Variants in N4BP2L1 observed in about 807,000 individuals in gnomAD.
N4BP2L1 encodes NEDD4-binding protein 2-like 1.
N4BP2L1 carries 12 observed loss-of-function variants against 21.2 expected under a neutral mutation model. The ratio of observed to expected loss-of-function variants is 0.57; its 90% CI spans 0.36 to 0.92. The LOEUF (loss-of-function observed/expected upper bound fraction) is 0.92. N4BP2L1 is among the 40% of genes least tolerant of loss of function. N4BP2L1 has a pLI of 0.01. For missense variants in N4BP2L1, 259 were observed against 310.6 expected, an observed-to-expected ratio of 0.83 and a Z score of 1.25; for synonymous variants, 104 against 112.8, an observed-to-expected ratio of 0.92 and a Z score of 0.49.
chr13:32,415,667 A>G (rs559424112), intron 1 of N4BP2L1, among the ~76,000 whole-genome samples: 2 of 152,202 alleles, frequency 1.3e-5, no homozygotes, highest in African/African-American at 4.8e-5. Flanking sequence ...TAGACTCCTA[A>G]TCAGGAGTTT....
chr13:32,414,480 T>C (rs79840730), intron 1 of N4BP2L1, among the ~76,000 whole-genome samples: 1,870 of 152,308 alleles, frequency 0.012, 47 homozygotes, highest in African/African-American at 0.043. Flanking sequence ...TTATCTTTCT[T>C]ATTGAATGTC....
chr13:32,422,195 C>CAA (rs11415560), intron 1 of N4BP2L1, among the ~76,000 whole-genome samples: 1 of 151,970 alleles, frequency 6.6e-6, no homozygotes, highest in African/African-American at 2.4e-5. Flanking sequence ...ATATTGACAA[C>CAA]AAAAAATGTA....
intron 1 of N4BP2L1, among the ~76,000 whole-genome samples, chr13:32,423,940 A>G (rs937914875): frequency 6.6e-6 from 1 of 152,184 alleles, no homozygotes; most frequent in African/African-American, 2.4e-5. Context: ...AATGGTCAAA[A>G]CCGGAAGGCA....
At chr13:32,410,318 C>G (rs1440899079) in intron 1 of N4BP2L1, among the ~76,000 whole-genome samples, 1 of 152,190 alleles carries the variant, frequency 6.6e-6, no homozygotes, top group African/African-American at 2.4e-5. Context: ...CTTCACAGAC[C>G]GCGGTATTTA....
Position 32,404,323 on chromosome 13 carries a change from T to G in N4BP2L1, c.471A>C (p.Ala157=), listed in dbSNP as rs2073340155. 4 of 1,613,228 alleles carry G rather than the reference T, an allele frequency of 2.5e-6. No individual in the cohort carries two copies. The highest frequency in any genetic ancestry group is 3.3e-5 in the Admixed American group (2 of 59,994). The change falls in exon 4 of 5, where the codon GCA becomes GCC. Residue 157 remains alanine (A), a splice_region_variant and synonymous_variant. Coordinates refer to ENST00000380130, the MANE Select transcript of N4BP2L1 (RefSeq NM_052818.3). ...GAACTAGAAAAACAAAGAAGTACCTTGCTAACTCTTGAACGTTGAATTTCC... is the reference window on the plus strand; with the variant it reads ...GAACTAGAAAAACAAAGAAGTACCTGGCTAACTCTTGAACGTTGAATTTCC... The part of the protein sequence containing the change: ...TRWKFNVQEL[A]RRNIHGVSRE...
chr13:32,413,543 C>G (rs1395237114), intron 1 of N4BP2L1, among the ~76,000 whole-genome samples: 1 of 152,190 alleles, frequency 6.6e-6, no homozygotes, highest in African/African-American at 2.4e-5. Context: ...AGTTCGATCA[C>G]TTGGCTAAAG....
intron 1 of N4BP2L1, among the ~76,000 whole-genome samples, chr13:32,415,121 AGCTGGT>A (rs1288946014): frequency 2.0e-5 from 3 of 152,232 alleles, no homozygotes; most frequent in African/African-American, 7.2e-5. Context: ...TAGAATCCAG[AGCTGGT>A]GTCACAACTC....
chr13:32,415,224 G>A (rs556100005), intron 1 of N4BP2L1, among the ~76,000 whole-genome samples: 2 of 152,218 alleles, frequency 1.3e-5, no homozygotes, highest in Admixed American at 6.5e-5. Context: ...CCACTGCAGG[G>A]CCAGGCTGCA....
intron 1 of N4BP2L1, among the ~76,000 whole-genome samples, chr13:32,427,410 A>G (rs970381565): frequency 2.0e-5 from 3 of 152,196 alleles, no homozygotes; most frequent in African/African-American, 7.2e-5. Context: ...GACGCACTGT[A>G]GCGGCCGCCT....
intron 1 of N4BP2L1, among the ~76,000 whole-genome samples, chr13:32,423,070 T>A (rs921274834): frequency 1.3e-5 from 2 of 152,206 alleles, no homozygotes; most frequent in African/African-American, 4.8e-5. Flanking sequence ...TACTCACTAC[T>A]TAGCCAACTT....
chr13:32,424,500 C>T (rs1050666676), intron 1 of N4BP2L1, among the ~76,000 whole-genome samples: 17 of 152,186 alleles, frequency 1.1e-4, no homozygotes, highest in Non-Finnish European at 2.1e-4. Flanking sequence ...CCCAGGCAGG[C>T]GCCTTCTCAT....
intron 3 of N4BP2L1, 143 bp from the exon 4 acceptor site, chr13:32,404,540 A>G: frequency 1.6e-6 from 1 of 636,572 alleles, no homozygotes; most frequent in East Asian, 2.7e-5. Context: ...TTATCACAAT[A>G]AATGCAGTTG....
chr13:32,419,339 G>A (rs544974758), intron 1 of N4BP2L1: 37 of 410,534 alleles, frequency 9.0e-5, no homozygotes, highest in South Asian at 4.1e-4. Context: ...TACATCTCTC[G>A]GGTTCAAGTG....
At chr13:32,409,700 A>G (rs1353734957) in intron 1 of N4BP2L1, among the ~76,000 whole-genome samples, 1 of 152,122 alleles carries the variant, frequency 6.6e-6, no homozygotes, top group East Asian at 1.9e-4. Context: ...AAAGTGATGC[A>G]AAGGAGTGAT....
At chr13:32,414,492 A>AT (rs1249310784) in intron 1 of N4BP2L1, among the ~76,000 whole-genome samples, 2 of 152,102 alleles carry the variant, frequency 1.3e-5, no homozygotes, top group Admixed American at 1.3e-4. Context: ...TTGAATGTCA[A>AT]TTTTTTATTA....
chr13:32,429,603 G>A (rs940278900), upstream of N4BP2L1, among the ~76,000 whole-genome samples: 7 of 152,318 alleles, frequency 4.6e-5, no homozygotes, highest in Admixed American at 6.5e-5. Context: ...CGCTGTGCCC[G>A]GGCCCGGTGC....
intron 3 of N4BP2L1, among the ~76,000 whole-genome samples, chr13:32,405,892 CTTTTTTTTTTTTTT>C (rs754694153): frequency 2.0e-5 from 2 of 101,192 alleles, no homozygotes; most frequent in South Asian, 3.8e-4. Context: ...TTCCTGCCCC[CTTTTTTTTTTTTTT>C]TTTTTTTTTT....
chr13:32,401,531 CAT>C lies in N4BP2L1; in HGVS notation c.*1409_*1410del, dbSNP rs1342298550. 2.0e-5 allele frequency: 3 copies of C among 152,180 alleles called. No homozygotes were observed. The highest frequency in any genetic ancestry group is 2.9e-5 in the Non-Finnish European group (2 of 68,024). 9.4% of individuals were successfully genotyped at this position (152,180 alleles called of 1,614,324 possible). ...GTGTCAGATAACGTTAAAACAGTCTCATGTACACAGATCAAATATATAAGCAA... is the reference window on the plus strand; with the variant it reads ...GTGTCAGATAACGTTAAAACAGTCTCGTACACAGATCAAATATATAAGCAA... On this transcript the variant is annotated 3_prime_UTR_variant, in exon 5 of 5. Coordinates refer to ENST00000380130, the MANE Select transcript of N4BP2L1 (RefSeq NM_052818.3).
chr13:32,407,022 C>T (rs2073555611), intron 3 of N4BP2L1: 2 of 543,512 alleles, frequency 3.7e-6, no homozygotes, highest in Non-Finnish European at 6.6e-6. Flanking sequence ...GACCATTTGC[C>T]AAGGACTATT....
Sources: allele counts gnomAD v4.1 joint callset (sites outside exome capture counted in the v4.1 genomes callset), GRCh38; gene constraint gnomAD v4.1.1; transcripts MANE v1.5; gene names NCBI Gene and HGNC (gene_info 2026-07-23, HGNC 2026-07-21).